Variants in ARL10 observed in about 807,000 individuals in gnomAD.
The protein encoded by ARL10 is ADP-ribosylation factor-like protein 10.
A neutral mutation model predicts 26.1 loss-of-function variants in ARL10; 23 were observed. The observed-to-expected ratio is 0.88, with a 90% confidence interval of 0.63 to 1.25. The LOEUF (loss-of-function observed/expected upper bound fraction) is 1.25. Ranked by LOEUF, ARL10 falls within the 50% of genes most tolerant of loss-of-function variation. The pLI is 0.00. For synonymous variants in ARL10, 138 were observed against 149.1 expected, an observed-to-expected ratio of 0.93 and a Z score of 0.54; for missense variants, 300 against 323.6, an observed-to-expected ratio of 0.93 and a Z score of 0.56.
chr5:176,414,964 C>G, the ARL10 span, among the ~76,000 whole-genome samples: 11 of 152,252 alleles, frequency 7.2e-5, no homozygotes, highest in South Asian at 2.3e-3. Flanking sequence ...CATCATTAAC[C>G]AAAATATGTC....
downstream of ARL10, among the ~76,000 whole-genome samples, chr5:176,404,388 A>G (rs570265685): frequency 1.4e-4 from 21 of 152,240 alleles, no homozygotes; most frequent in Non-Finnish European, 1.6e-4. Context: ...GCTGCAGAGC[A>G]CTTTTTTCCA....
At chr5:176,408,185 A>C in the ARL10 span, among the ~76,000 whole-genome samples, 1 of 151,516 alleles carries the variant, frequency 6.6e-6, no homozygotes, top group Non-Finnish European at 1.5e-5. Flanking sequence ...GGGTGCGGAC[A>C]GAAGCAGTCT....
At chr5:176,410,251 G>T in the ARL10 span, 4 of 1,613,658 alleles carry the variant, frequency 2.5e-6, no homozygotes, top group Non-Finnish European at 2.5e-6. Flanking sequence ...ACAGAGCCTT[G>T]CTTACCTGAA....
chr5:176,384,467 C>T (rs1046523900), downstream of ARL10: 8 of 1,287,278 alleles, frequency 6.2e-6, no homozygotes, highest in Non-Finnish European at 8.7e-6. Flanking sequence ...TGCTATCTAT[C>T]CCTGAGGTCC....
At chr5:176,401,147 C>G (rs1316567106) in intron 1 of ARL10, among the ~76,000 whole-genome samples, 1 of 152,238 alleles carries the variant, frequency 6.6e-6, no homozygotes, top group East Asian at 1.9e-4. Flanking sequence ...ACTGCTGCTC[C>G]TTTCTGGGAA....
chr5:176,366,719 C>T, intron 2 of ARL10, 138 bp downstream of exon 2: 1 of 1,050,090 alleles, frequency 9.5e-7, no homozygotes, highest in Non-Finnish European at 1.4e-6. Flanking sequence ...CTCTCCGGGG[C>T]ACAGGATTCA....
At chr5:176,389,885 T>G (rs945502751), downstream of ARL10, 4 of 166,606 alleles carry the variant, frequency 2.4e-5, no homozygotes, top group African/African-American at 9.6e-5. Context: ...CCAGGGCACT[T>G]TGAAAGCAGA....
At chr5:176,391,042 C>T (rs1356066313), downstream of ARL10, among the ~76,000 whole-genome samples, 1 of 152,176 alleles carries the variant, frequency 6.6e-6, no homozygotes, top group Non-Finnish European at 1.5e-5. Context: ...ACACCAGCTT[C>T]AAGCTGGCAG....
chr5:176,397,723 G>A (rs878907137), intron 1 of ARL10: 1 of 1,612,156 alleles, frequency 6.2e-7, no homozygotes. Flanking sequence ...CAGCATCTAG[G>A]ACCCCACAAG....
chr5:176,395,778 G>T lies in ARL10; in HGVS notation c.134-5963G>T, dbSNP rs73328142. ...AGGAGGAAGAGATGGATGTCACAAA[G>T]GAGCAGCTCTTGTCCTTTACATGCC... On this transcript the variant is annotated intron_variant, in intron 1 of 1. Coordinates refer to the ARL10 transcript ENST00000514533. Among the ~76,000 whole-genome samples, 777 of 152,286 alleles carry T rather than the reference G, an allele frequency of 5.1e-3. 7 individuals carry two copies. Among genetic ancestry groups the T allele is most frequent in the African/African-American group, 0.018 (742 of 41,540 alleles).
the ARL10 span, among the ~76,000 whole-genome samples, chr5:176,408,373 A>G: frequency 6.6e-6 from 1 of 151,956 alleles, no homozygotes; most frequent in Non-Finnish European, 1.5e-5. Context: ...CATCTCTACT[A>G]AAAATACAAA....
chr5:176,389,344 G>A, downstream of ARL10: 2 of 1,613,286 alleles, frequency 1.2e-6, no homozygotes, highest in Non-Finnish European at 8.5e-7. Context: ...GCCTGGCCAC[G>A]GCGGCCGCCC....
chr5:176,394,841 C>T (rs1756440660), intron 1 of ARL10, among the ~76,000 whole-genome samples: 1 of 152,018 alleles, frequency 6.6e-6, no homozygotes, highest in Non-Finnish European at 1.5e-5. Flanking sequence ...TTGAGAAGCC[C>T]TGGTCTATAC....
intron 3 of ARL10, chr5:176,369,247 T>G: frequency 7.0e-7 from 1 of 1,418,568 alleles, no homozygotes; most frequent in Non-Finnish European, 9.3e-7. Context: ...TTTGTTTTTT[T>G]TTTGAGACAG....
chr5:176,393,047 C>T (rs1222745921), downstream of ARL10: 3 of 1,305,660 alleles, frequency 2.3e-6, no homozygotes, highest in South Asian at 3.8e-5. The surrounding 1 kb of genome is among the most constrained non-coding windows in gnomAD (Gnocchi z 4.4). Flanking sequence ...GCACTGTGTC[C>T]TCCCCAGCCT....
Position 176,375,314 on chromosome 5 carries a change from A to T in ARL10, c.*3419A>T, listed in dbSNP as rs1768669361. 2 of 50,340 alleles carry T rather than the reference A, an allele frequency of 4.0e-5. No individual in the cohort carries two copies. Among genetic ancestry groups the T allele is most frequent in the Non-Finnish European group, 9.7e-5 (2 of 20,530 alleles). 3.1% of individuals were successfully genotyped at this position (50,340 alleles called of 1,614,324 possible). ...CATCCATCCATCCATCCATCCATCC[A>T]TCCATCCATCCATCCATCCATCATC... On this transcript the variant is annotated 3_prime_UTR_variant, in exon 4 of 4. Coordinates refer to ENST00000310389, the MANE Select transcript of ARL10 (RefSeq NM_173664.6).
At chr5:176,385,813 C>T (rs571957793), downstream of ARL10, 2 of 154,688 alleles carry the variant, frequency 1.3e-5, no homozygotes, top group African/African-American at 4.8e-5. Context: ...CAGCACCTTA[C>T]TAGTGCTCCA....
chr5:176,403,679 C>T (rs946595369), downstream of ARL10, among the ~76,000 whole-genome samples: 6 of 149,576 alleles, frequency 4.0e-5, no homozygotes, highest in Admixed American at 1.3e-4. Context: ...GTCTTGAACT[C>T]CTGACCTTGT....
chr5:176,402,748 C>T (rs1389160779), downstream of ARL10, among the ~76,000 whole-genome samples: 1 of 152,196 alleles, frequency 6.6e-6, no homozygotes, highest in Non-Finnish European at 1.5e-5. Flanking sequence ...CAGGGAGTCC[C>T]TCACAAATGA....
Sources: gnomAD v4.1 joint callset for allele counts (sites outside exome capture counted in the v4.1 genomes callset) on GRCh38, gnomAD v4.1.1 for gene constraint, Gnocchi (gnomAD v3.1) non-coding constraint, MANE v1.5 for transcripts, NCBI Gene and HGNC (gene_info 2026-07-23, HGNC 2026-07-21) for gene names.